The following LRRTM4 variants were observed in gnomAD, a reference collection of about 807,000 sequenced individuals.
LRRTM4 encodes the protein leucine-rich repeat transmembrane neuronal protein 4.
LRRTM4 carries 25 observed loss-of-function variants against 47.6 expected under a neutral mutation model. That is an observed-to-expected ratio of 0.53 (90% confidence interval 0.38 to 0.73). The LOEUF is 0.73. Among genes scored for constraint, LRRTM4 ranks in the 30% least tolerant of loss-of-function variants. The pLI is 0.00. For synonymous variants in LRRTM4, 311 were observed against 269.5 expected (o/e 1.15, Z -1.51); for missense variants, 638 against 713.4 (o/e 0.89, Z 1.20).
chr2:76,797,133 C>G lies in LRRTM4; in HGVS notation c.1552-48217G>C, dbSNP rs867283407. On this transcript the variant is annotated intron_variant, in intron 3 of 3. Coordinates refer to ENST00000409884, the MANE Select transcript of LRRTM4 (RefSeq NM_001134745.3). ...CAGAGAATGCCACAAAGATACTCCT[C>G]GAGAAGAGCTACTCCAATACACACA... Among the ~76,000 whole-genome samples, 51 of 152,028 alleles carry G rather than the reference C, an allele frequency of 3.4e-4. 1 individual carries two copies. Among genetic ancestry groups the G allele is most frequent in the South Asian group, 2.1e-4 (1 of 4,820 alleles).
At chr2:77,199,325 T>C (rs139694808) in intron 3 of LRRTM4, among the ~76,000 whole-genome samples, 13 of 152,164 alleles carry the variant, frequency 8.5e-5, no homozygotes, top group African/African-American at 1.4e-4. Context: ...ATTAAAACTA[T>C]AAAGGGTCAA....
intron 3 of LRRTM4, among the ~76,000 whole-genome samples, chr2:76,958,560 T>A (rs996674605): frequency 1.3e-5 from 2 of 151,736 alleles, no homozygotes; most frequent in Non-Finnish European, 2.9e-5. Context: ...CCATACAAGA[T>A]CCTTTAGGTT....
intron 3 of LRRTM4, among the ~76,000 whole-genome samples, chr2:77,305,973 A>C (rs1171794704): frequency 6.6e-6 from 1 of 152,106 alleles, no homozygotes; most frequent in Non-Finnish European, 1.5e-5. Flanking sequence ...TCATTTTGCA[A>C]CCCACACTTC....
At chr2:77,159,030 A>G (rs1285142234) in intron 3 of LRRTM4, among the ~76,000 whole-genome samples, 1 of 152,178 alleles carries the variant, frequency 6.6e-6, no homozygotes, top group Non-Finnish European at 1.5e-5. Context: ...CAGACTTTAT[A>G]TCACTGTTTT....
At chr2:76,751,597 G>T (rs550188578) in intron 3 of LRRTM4, among the ~76,000 whole-genome samples, 6 of 151,950 alleles carry the variant, frequency 3.9e-5, no homozygotes, top group Non-Finnish European at 8.8e-5. Flanking sequence ...CTCACCCCAA[G>T]TCTATTGTTT....
chr2:77,278,425 G>A (rs940253333), intron 3 of LRRTM4, among the ~76,000 whole-genome samples: 4 of 151,940 alleles, frequency 2.6e-5, no homozygotes, highest in East Asian at 1.9e-4. Flanking sequence ...ACTTATGTCC[G>A]TGAATGTTGA....
chr2:77,505,309 A>G (rs1678726074), intron 3 of LRRTM4, among the ~76,000 whole-genome samples: 1 of 151,400 alleles, frequency 6.6e-6, no homozygotes. Context: ...CATTTGGTAA[A>G]CTTAGTGTCT....
intron 3 of LRRTM4, among the ~76,000 whole-genome samples, chr2:77,124,785 A>G (rs1482473801): frequency 2.6e-5 from 4 of 152,100 alleles, no homozygotes; most frequent in Non-Finnish European, 4.4e-5. Context: ...TCTGTGGAAT[A>G]TGGTGTTTGG....
At chr2:76,803,924 C>T (rs1171877923) in intron 3 of LRRTM4, among the ~76,000 whole-genome samples, 1 of 152,132 alleles carries the variant, frequency 6.6e-6, no homozygotes, top group African/African-American at 2.4e-5. Flanking sequence ...GACTAGCACG[C>T]AACAAAAACT....
At chr2:77,423,310 A>C (rs971910657) in intron 3 of LRRTM4, among the ~76,000 whole-genome samples, 1 of 151,068 alleles carries the variant, frequency 6.6e-6, no homozygotes, top group African/African-American at 2.4e-5. Flanking sequence ...TCTTTTATAA[A>C]TCCATCTCTT....
intron 3 of LRRTM4, among the ~76,000 whole-genome samples, chr2:77,300,811 G>GTAT (rs1204459604): frequency 6.6e-6 from 1 of 151,966 alleles, no homozygotes; most frequent in Non-Finnish European, 1.5e-5. Context: ...ATAGCAACTT[G>GTAT]TATTATTTAA....
At position 76,881,550 on chromosome 2, in the gene LRRTM4, T is replaced by C. The variant is rs1040017539; in HGVS notation, c.1552-132634A>G. ...CCAGTTTTTCCTCACAGATACTGAA[T>C]TTATGTTAATGTGATTGTTTTGGTA... On this transcript the variant is annotated intron_variant, in intron 3 of 3. Coordinates refer to ENST00000409884, the MANE Select transcript of LRRTM4 (RefSeq NM_001134745.3). Among the ~76,000 whole-genome samples, 3 of 152,008 alleles carry C rather than the reference T, an allele frequency of 2.0e-5. No individual in the cohort carries two copies. In the South Asian group the frequency reaches 6.2e-4, roughly 32 times the overall value.
intron 3 of LRRTM4, among the ~76,000 whole-genome samples, chr2:77,114,757 G>A (rs1302275828): frequency 6.6e-6 from 1 of 152,152 alleles, no homozygotes; most frequent in African/African-American, 2.4e-5. Flanking sequence ...ACCCCGAGCT[G>A]CAAAACCAGC....
chr2:77,416,857 C>T (rs966783846), intron 3 of LRRTM4, among the ~76,000 whole-genome samples: 2 of 151,802 alleles, frequency 1.3e-5, no homozygotes, highest in African/African-American at 4.8e-5. Context: ...TTTTTTAGGT[C>T]TATTTATAAA....
intron 3 of LRRTM4, among the ~76,000 whole-genome samples, chr2:77,138,511 A>T (rs1363303131): frequency 2.0e-5 from 3 of 152,194 alleles, no homozygotes; most frequent in Non-Finnish European, 4.4e-5. Flanking sequence ...TGCCCACAAG[A>T]AAAAGCAGGA....
chr2:77,445,482 A>G (rs1461703213), intron 3 of LRRTM4, among the ~76,000 whole-genome samples: 1 of 151,610 alleles, frequency 6.6e-6, no homozygotes, highest in African/African-American at 2.4e-5. Flanking sequence ...TTTTCTTATG[A>G]TTTCTTCCTC....
chr2:77,186,506 GA>G (rs1331452474), intron 3 of LRRTM4, among the ~76,000 whole-genome samples: 1 of 151,996 alleles, frequency 6.6e-6, no homozygotes, highest in Non-Finnish European at 1.5e-5. Flanking sequence ...TTTGCCAAAT[GA>G]AAAACAGAAT....
chr2:77,220,770 G>T (rs1030403218), intron 3 of LRRTM4, among the ~76,000 whole-genome samples: 2 of 152,180 alleles, frequency 1.3e-5, no homozygotes, highest in Admixed American at 6.5e-5. Flanking sequence ...AACCAAGTTG[G>T]AAAACACTCT....
intron 3 of LRRTM4, among the ~76,000 whole-genome samples, chr2:77,351,897 A>G (rs1431030696): frequency 1.3e-5 from 2 of 152,082 alleles, no homozygotes; most frequent in Non-Finnish European, 2.9e-5. Flanking sequence ...TGTGAAATGT[A>G]TGTAGAAATG....
Sources: allele counts gnomAD v4.1 joint callset (sites outside exome capture counted in the v4.1 genomes callset), GRCh38; gene constraint gnomAD v4.1.1; transcripts MANE v1.5; gene names NCBI Gene and HGNC (gene_info 2026-07-23, HGNC 2026-07-21).